Variants in GRIK3 observed in about 807,000 individuals in gnomAD.
GRIK3 encodes the protein glutamate receptor ionotropic, kainate 3.
In GRIK3, 29 loss-of-function variants were observed where a neutral mutation model predicts 102.5. The ratio of observed to expected loss-of-function variants is 0.28; its 90% CI spans 0.21 to 0.39. GRIK3 has a LOEUF of 0.39. GRIK3 is among the 10% of genes least tolerant of loss of function. GRIK3 has a pLI of 1.00. For synonymous variants in GRIK3, 511 were observed against 504.9 expected, an observed-to-expected ratio of 1.01 and a Z score of -0.16; for missense variants, 908 against 1,252.4, an observed-to-expected ratio of 0.73 and a Z score of 4.15.
rs525048 is a variant in GRIK3 at position 36,942,876 on chromosome 1, G to A, written c.116-51780C>T. On this transcript the variant is annotated intron_variant, in intron 1 of 15. Transcript: ENST00000373091. ...AACTGCTAACCCTGGGGAAGTGGGGGACCACTCTCCTGATAGGGCAGCTCA... is the reference window on the plus strand; with the variant it reads ...AACTGCTAACCCTGGGGAAGTGGGGAACCACTCTCCTGATAGGGCAGCTCA... Among the ~76,000 whole-genome samples, 917 of 152,258 alleles carry A rather than the reference G, an allele frequency of 6.0e-3. 12 individuals are homozygous for A. The highest frequency in any genetic ancestry group is 0.021 in the African/African-American group (871 of 41,542).
chr1:36,841,640 CT>C (rs1444876632), intron 10 of GRIK3, 95 bp downstream of exon 10: 16 of 1,079,748 alleles, frequency 1.5e-5, no homozygotes, highest in Non-Finnish European at 1.8e-5. Context: ...TCCCCAGGGC[CT>C]TTTTCTGCCA....
At chr1:36,826,367 T>C (rs1019143492) in intron 10 of GRIK3, among the ~76,000 whole-genome samples, 2 of 152,140 alleles carry the variant, frequency 1.3e-5, no homozygotes, top group Admixed American at 6.5e-5. Flanking sequence ...ATACCCTCCT[T>C]TGGAGAAACT....
intron 2 of GRIK3, among the ~76,000 whole-genome samples, chr1:36,886,291 C>T (rs918823215): frequency 3.3e-5 from 5 of 152,124 alleles, no homozygotes; most frequent in Admixed American, 1.3e-4. Context: ...CCACAGGGCC[C>T]GAGGTGGCTG....
intron 1 of GRIK3, among the ~76,000 whole-genome samples, chr1:36,936,851 AG>A (rs768236369): frequency 1.4e-4 from 21 of 151,748 alleles, no homozygotes; most frequent in Non-Finnish European, 2.8e-4. Context: ...TGAGAAGGTG[AG>A]GTAAATTCAG....
At chr1:36,868,883 G>C in intron 5 of GRIK3, among the ~76,000 whole-genome samples, 1 of 152,246 alleles carries the variant, frequency 6.6e-6, no homozygotes. Flanking sequence ...AGAGCTAGCT[G>C]GGTGCTGGAT....
intron 1 of GRIK3, among the ~76,000 whole-genome samples, chr1:36,933,194 C>T (rs971027100): frequency 2.6e-5 from 4 of 152,158 alleles, no homozygotes; most frequent in African/African-American, 7.2e-5. Flanking sequence ...CAGGTGACTA[C>T]GCCCAGCAGC....
chr1:37,011,053 T>A (rs1642591390), intron 1 of GRIK3, among the ~76,000 whole-genome samples: 1 of 152,166 alleles, frequency 6.6e-6, no homozygotes, highest in South Asian at 2.1e-4. Flanking sequence ...CCTGTACCAC[T>A]TTTGTCCCGC....
At chr1:36,863,509 A>G (rs1228494941) in intron 5 of GRIK3, among the ~76,000 whole-genome samples, 1 of 152,044 alleles carries the variant, frequency 6.6e-6, no homozygotes, top group African/African-American at 2.4e-5. Flanking sequence ...ATGCAAGTTC[A>G]GGCCTTAATT....
intron 1 of GRIK3, among the ~76,000 whole-genome samples, chr1:36,991,178 C>T (rs56127606): frequency 0.21 from 31,336 of 152,146 alleles, 3,646 homozygotes; most frequent in African/African-American, 0.3. Context: ...AACACTAAAC[C>T]GCAGCTCATC....
At chr1:36,889,674 G>A (rs1194023073) in intron 2 of GRIK3, among the ~76,000 whole-genome samples, 1 of 152,136 alleles carries the variant, frequency 6.6e-6, no homozygotes, top group Non-Finnish European at 1.5e-5. Flanking sequence ...ATAATTTCCT[G>A]GAGGAAGTAA....
chr1:36,984,136 G>A (rs72653513), intron 1 of GRIK3, among the ~76,000 whole-genome samples: 12,070 of 152,252 alleles, frequency 0.079, 667 homozygotes, highest in Non-Finnish European at 0.12. Flanking sequence ...ACTCAGCCTC[G>A]GCAACCACAT....
At chr1:36,805,533 G>C (rs1642489570) in intron 14 of GRIK3, among the ~76,000 whole-genome samples, 2 of 152,182 alleles carry the variant, frequency 1.3e-5, no homozygotes, top group South Asian at 4.1e-4. Context: ...AGGCAGGAAT[G>C]GCCTCTGGGA....
intron 1 of GRIK3, among the ~76,000 whole-genome samples, chr1:36,974,976 A>G (rs56094382): frequency 0.26 from 38,767 of 152,000 alleles, 6,438 homozygotes; most frequent in African/African-American, 0.47. Context: ...GTAGGACAGA[A>G]GTTACCAGGG....
intron 9 of GRIK3, among the ~76,000 whole-genome samples, chr1:36,848,418 C>G (rs1640543508): frequency 6.6e-6 from 1 of 152,148 alleles, no homozygotes; most frequent in South Asian, 2.1e-4. Context: ...TTATGCAGCT[C>G]TGCTTTTAAT....
At chr1:36,882,079 C>T (rs1317583739) in intron 2 of GRIK3, among the ~76,000 whole-genome samples, 1 of 152,128 alleles carries the variant, frequency 6.6e-6, no homozygotes, top group Non-Finnish European at 1.5e-5. Flanking sequence ...CAATCCCTGT[C>T]CCCCCATGCC....
In GRIK3 at chr1:36,798,806, C is replaced by T. The variant is rs1642399278; in HGVS notation, c.*3045G>A. On this transcript the variant is annotated 3_prime_UTR_variant, in exon 16 of 16. Transcript: ENST00000373091. ...GAGAGGAGATGAGGCAGCATGCCCT[C>T]CTGCTTCCACACAGGAGTCTAAAGA... 6.6e-6 allele frequency: 1 copy of T among 152,270 alleles called. No individual in the cohort carries two copies. Among genetic ancestry groups the T allele is most frequent in the Non-Finnish European group, 1.5e-5 (1 of 68,054 alleles). The allele number at this position is 152,270 out of a possible 1,614,324, so 9.4% of individuals were successfully genotyped here.
intron 1 of GRIK3, among the ~76,000 whole-genome samples, chr1:36,931,767 T>C (rs1641593088): frequency 6.6e-6 from 1 of 151,878 alleles, no homozygotes; most frequent in Non-Finnish European, 1.5e-5. Flanking sequence ...GTGCAGCCCC[T>C]TCTGTCTGGG....
chr1:36,859,772 A>T (rs1640698547), intron 6 of GRIK3, 72 bp downstream of exon 6: 2 of 1,196,254 alleles, frequency 1.7e-6, no homozygotes, highest in South Asian at 1.2e-5. Context: ...GAAAGAAACA[A>T]GAGGAAGGAG....
chr1:36,934,203 A>G (rs925815925), intron 1 of GRIK3, among the ~76,000 whole-genome samples: 1 of 152,148 alleles, frequency 6.6e-6, no homozygotes, highest in African/African-American at 2.4e-5. Flanking sequence ...TCTGGGTGAG[A>G]GTCTGTATCC....
Sources: allele counts gnomAD v4.1 joint callset (sites outside exome capture counted in the v4.1 genomes callset), GRCh38; gene constraint gnomAD v4.1.1; transcripts MANE v1.5; gene names NCBI Gene and HGNC (gene_info 2026-07-23, HGNC 2026-07-21).